The following RAB5A variants were observed in gnomAD, a reference collection of about 807,000 sequenced individuals.
The protein encoded by RAB5A is ras-related protein Rab-5A.
A neutral mutation model predicts 25.7 loss-of-function variants in RAB5A; 8 were observed. The ratio of observed to expected loss-of-function variants is 0.31; its 90% CI spans 0.18 to 0.56. RAB5A has a LOEUF of 0.56. Ranked by LOEUF, RAB5A falls within the 20% of genes least tolerant of loss-of-function variation. The probability of loss-of-function intolerance (pLI) is 0.91; values close to 1 mark genes in which losing one functional copy is unlikely to be tolerated. For synonymous variants in RAB5A, 98 were observed against 89.8 expected, an observed-to-expected ratio of 1.09 and a Z score of -0.52; for missense variants, 192 against 259.7, an observed-to-expected ratio of 0.74 and a Z score of 1.79.
Position 19,984,096 on chromosome 3 carries a change from G to T in RAB5A, c.*273G>T. On this transcript the variant is annotated 3_prime_UTR_variant, in exon 6 of 6. Coordinates refer to ENST00000273047, the MANE Select transcript of RAB5A (RefSeq NM_004162.5). Reference sequence around the variant, plus strand: ...TAGGGGGAATAATTTCTCATCACTAGGAATATAGACAAATGACTGTCTGGG... The same window carrying T: ...TAGGGGGAATAATTTCTCATCACTATGAATATAGACAAATGACTGTCTGGG... The T allele has an allele frequency of 4.8e-6, 2 of 412,944 alleles. No homozygotes were observed. Among genetic ancestry groups the T allele is most frequent in the South Asian group, 2.1e-5 (1 of 48,100 alleles). The allele number at this position is 412,944 out of a possible 1,614,324, so 25.6% of individuals were successfully genotyped here.
At chr3:19,970,164 T>A (rs1426401404) in intron 2 of RAB5A, among the ~76,000 whole-genome samples, 2 of 152,146 alleles carry the variant, frequency 1.3e-5, no homozygotes, top group African/African-American at 4.8e-5. Context: ...CCTCCCAAAG[T>A]GCTGGGATTA....
At position 19,975,468 on chromosome 3, in the gene RAB5A, C is replaced by T. The variant is rs554887382; in HGVS notation, c.164-133C>T. ...TTCCCCCCTCATTTATTACTTTTAA[C>T]TGACACATAATAGTTGTACATACTT... On this transcript the variant is annotated intron_variant, in intron 2 of 5. Coordinates refer to ENST00000273047, the MANE Select transcript of RAB5A (RefSeq NM_004162.5). The T allele has an allele frequency of 3.9e-6, 3 of 774,456 alleles. No homozygotes were observed. In the South Asian group the frequency reaches 7.9e-5, roughly 20 times the overall value. 48.0% of individuals were successfully genotyped at this position (774,456 alleles called of 1,614,324 possible).
At chr3:19,978,598 T>C (rs1428014227) in intron 5 of RAB5A, 195 bp downstream of exon 5, 12 of 496,602 alleles carry the variant, frequency 2.4e-5, no homozygotes, top group Middle Eastern at 5.2e-4. Flanking sequence ...GTTGGTAATA[T>C]TGTTAAATTT....
chr3:19,983,835 G>A lies in RAB5A; in HGVS notation c.*12G>A. The A allele has an allele frequency of 6.6e-7, 1 of 1,506,180 alleles. No individual in the cohort carries two copies. The highest frequency in any genetic ancestry group is 9.2e-7 in the Non-Finnish European group (1 of 1,085,896). The allele number at this position is 1,506,180 out of a possible 1,614,324, so 93.3% of individuals were successfully genotyped here. On this transcript the variant is annotated 3_prime_UTR_variant, in exon 6 of 6. Coordinates refer to ENST00000273047, the MANE Select transcript of RAB5A (RefSeq NM_004162.5). ...GTTGTAGTAACTAAACCTCTAGTTT[G>A]AACTAGCTGGAATAGTCTTCTGCTT...
In RAB5A at chr3:19,984,114, T is replaced by C; in HGVS notation, c.*291T>C. On this transcript the variant is annotated 3_prime_UTR_variant, in exon 6 of 6. Transcript: ENST00000273047. Reference sequence around the variant, plus strand: ...ATCACTAGGAATATAGACAAATGACTGTCTGGGCCCACACAGTTAACCAGC... The same window carrying C: ...ATCACTAGGAATATAGACAAATGACCGTCTGGGCCCACACAGTTAACCAGC... 2.5e-6 allele frequency: 1 copy of C among 404,802 alleles called. No individual in the cohort carries two copies. The highest frequency in any genetic ancestry group is 4.1e-5 in the Admixed American group (1 of 24,506). 25.1% of individuals were successfully genotyped at this position (404,802 alleles called of 1,614,324 possible). A position where few individuals can be genotyped will look rare whatever the true frequency, so the allele number is the denominator to read the frequency against.
At chr3:19,973,364 T>C (rs1696778565) in intron 2 of RAB5A, among the ~76,000 whole-genome samples, 1 of 148,544 alleles carries the variant, frequency 6.7e-6, no homozygotes, top group African/African-American at 2.5e-5. Context: ...TGAAACAGTC[T>C]GTGCACATTT....
Position 19,984,059 on chromosome 3 carries a change from T to A in RAB5A, c.*236T>A. 1 of 461,126 alleles carries A rather than the reference T, an allele frequency of 2.2e-6. No homozygotes were observed. The highest frequency in any genetic ancestry group is 4.0e-6 in the Non-Finnish European group (1 of 250,770). The allele number at this position is 461,126 out of a possible 1,614,324, so 28.6% of individuals were successfully genotyped here. ...AATGAGAACTATGTGGACACTTGTT[T>A]CATTGGAAGGTTAGGGGGAATAATT... On this transcript the variant is annotated 3_prime_UTR_variant, in exon 6 of 6. Transcript: ENST00000273047.
intron 2 of RAB5A, among the ~76,000 whole-genome samples, chr3:19,956,318 G>A (rs1468239733): frequency 6.6e-6 from 1 of 152,166 alleles, no homozygotes; most frequent in Non-Finnish European, 1.5e-5. Context: ...GCTAGGCGTG[G>A]TGGTGGGTGC....
At chr3:19,972,345 T>A (rs1262724420) in intron 2 of RAB5A, among the ~76,000 whole-genome samples, 3 of 152,210 alleles carry the variant, frequency 2.0e-5, no homozygotes, top group African/African-American at 7.2e-5. Flanking sequence ...CTGTGGTCAT[T>A]GCTCAAGTAA....
Position 19,969,037 on chromosome 3 carries a change from T to TTG in RAB5A, c.164-6563_164-6562insGT, listed in dbSNP as rs1553639273. On this transcript the variant is annotated intron_variant, in intron 2 of 5. Transcript: ENST00000273047. ...TTGGTGTTTTTTGGTTTTGGTTTTT[T>TTG]TTTTTTGGTTTTTTTTTTTTTTTTG... 6.6e-3 allele frequency among the ~76,000 whole-genome samples: 489 copies of TTG among 74,274 alleles called. 9 individuals carry two copies. The highest frequency in any genetic ancestry group is 0.05 in the African/African-American group (474 of 9,492). The allele number at this position is 74,274 out of a possible 152,430, so 48.7% of individuals were successfully genotyped here.
rs966029028 is a variant in RAB5A at position 19,950,801 on chromosome 3, T to C, written c.-93-5T>C. On this transcript the variant is annotated splice_polypyrimidine_tract_variant and splice_region_variant and intron_variant, in intron 1 of 5. Coordinates refer to ENST00000273047, the MANE Select transcript of RAB5A (RefSeq NM_004162.5). ...TATATTTAATTCATAATTGTTTCTT[T>C]ACAGGTTTCTTTACCTCCAGAAAGA... 2 of 1,202,970 alleles carry C rather than the reference T, an allele frequency of 1.7e-6. No homozygotes were observed. The highest frequency in any genetic ancestry group is 2.3e-6 in the Non-Finnish European group (2 of 871,672). The allele number at this position is 1,202,970 out of a possible 1,614,324, so 74.5% of individuals were successfully genotyped here.
Position 19,976,182 on chromosome 3 carries a change from T to C in RAB5A, c.438+13T>C. On this transcript the variant is annotated intron_variant, in intron 4 of 5. Coordinates refer to ENST00000273047, the MANE Select transcript of RAB5A (RefSeq NM_004162.5). Reference sequence around the variant, plus strand: ...AGTAGATTTCCAGGTATGTTAAATTTAACTCTCATTTGAAAGGCACTTTTT... The same window carrying C: ...AGTAGATTTCCAGGTATGTTAAATTCAACTCTCATTTGAAAGGCACTTTTT... 1.3e-6 allele frequency: 2 copies of C among 1,598,496 alleles called. No homozygotes were observed. The highest frequency in any genetic ancestry group is 8.5e-7 in the Non-Finnish European group (1 of 1,175,528).
intron 2 of RAB5A, among the ~76,000 whole-genome samples, chr3:19,967,690 T>G (rs1696680669): frequency 6.6e-6 from 1 of 152,166 alleles, no homozygotes. Context: ...TCTTTTTGGG[T>G]TTACTCACAG....
chr3:19,968,408 T>C (rs1163348906), intron 2 of RAB5A, among the ~76,000 whole-genome samples: 1 of 152,214 alleles, frequency 6.6e-6, no homozygotes, highest in Non-Finnish European at 1.5e-5. Context: ...TCTGATTTAT[T>C]ATACTCTAGC....
At chr3:19,954,396 A>C (rs905508231) in intron 2 of RAB5A, among the ~76,000 whole-genome samples, 1 of 152,176 alleles carries the variant, frequency 6.6e-6, no homozygotes, top group African/African-American at 2.4e-5. Flanking sequence ...TTTAATCTCT[A>C]TTTGATTGTG....
At chr3:19,977,217 C>A (rs902890773) in intron 4 of RAB5A, among the ~76,000 whole-genome samples, 1 of 152,048 alleles carries the variant, frequency 6.6e-6, no homozygotes. Flanking sequence ...GGACTACAGG[C>A]GCCCACCACC....
intron 2 of RAB5A, among the ~76,000 whole-genome samples, chr3:19,971,152 G>A (rs150312507): frequency 0.17 from 24,288 of 141,332 alleles, 2,634 homozygotes; most frequent in Non-Finnish European, 0.24. Flanking sequence ...AGCCGAGATC[G>A]CGCCATTGCA....
intron 3 of RAB5A, 27 bp downstream of exon 3, chr3:19,975,779 A>C: frequency 6.4e-7 from 1 of 1,572,292 alleles, no homozygotes. Context: ...TCCACAGTAA[A>C]ACTAATTTGA....
At chr3:19,978,458 A>C in intron 5 of RAB5A, 55 bp downstream of exon 5, 1 of 1,371,250 alleles carries the variant, frequency 7.3e-7, no homozygotes, top group Non-Finnish European at 1.0e-6. Context: ...AGTGTGAAGC[A>C]TATTTGGTTT....
Sources: allele counts gnomAD v4.1 joint callset (sites outside exome capture counted in the v4.1 genomes callset), GRCh38; gene constraint gnomAD v4.1.1; transcripts MANE v1.5; gene names NCBI Gene and HGNC (gene_info 2026-07-23, HGNC 2026-07-21).